TPO: variants seen among roughly 807,000 people sequenced by gnomAD.
The protein encoded by TPO is thyroid peroxidase, also known as thyroid microsomal antigen.
In TPO, 78 loss-of-function variants were observed where a neutral mutation model predicts 96.9. That is an observed-to-expected ratio of 0.81 (90% CI 0.67 to 0.97). The LOEUF is 0.97. TPO is among the 50% of genes least tolerant of loss of function. The probability of loss-of-function intolerance (pLI) is 0.00; values close to 1 mark genes in which losing one functional copy is unlikely to be tolerated. For synonymous variants in TPO, 547 were observed against 538.0 expected (o/e 1.02, Z -0.23); for missense variants, 1,252 against 1,274.8 (o/e 0.98, Z 0.27).
rs151287624 is a variant in TPO, at chr2:1,542,805, G to A, written c.*331G>A. 1,937 of 533,156 alleles carry A rather than the reference G, an allele frequency of 3.6e-3. 4 individuals carry two copies. The highest frequency in any genetic ancestry group is 4.3e-3 in the Non-Finnish European group (1,337 of 313,836). The allele number at this position is 533,156 out of a possible 1,614,324, so 33.0% of individuals were successfully genotyped here. A position where few individuals can be genotyped will look rare whatever the true frequency, so the allele number is the denominator to read the frequency against. On this transcript the variant is annotated 3_prime_UTR_variant, in exon 17 of 17. Transcript: ENST00000329066. ...TCCACCTTCTGGCATCTCTGATGCC[G>A]TGCTCGTCTGCACTCTGCCCCGGCG...
chr2:1,432,827 T>C lies in TPO; in HGVS notation c.180-611T>C, dbSNP rs558769922. On this transcript the variant is annotated intron_variant, in intron 3 of 16. Coordinates refer to ENST00000329066, the MANE Select transcript of TPO (RefSeq NM_001206744.2). ...CTGCAGGTGAGGAGAGGCCTGCAGG[T>C]GAGGAGAGGCCTGCAGGTGAGGGGA... is the stretch of plus-strand genomic sequence containing the variant. Among the ~76,000 whole-genome samples the C allele has an allele frequency of 3.9e-3, 578 of 149,528 alleles. 5 individuals carry two copies. Among genetic ancestry groups the C allele is most frequent in the African/African-American group, 0.014 (560 of 40,462 alleles).
chr2:1,381,299 C>G (rs933509380), intron 1 of TPO, among the ~76,000 whole-genome samples: 4 of 152,074 alleles, frequency 2.6e-5, no homozygotes, highest in Non-Finnish European at 4.4e-5. Flanking sequence ...CTACAAAGAA[C>G]TTAAATTTAC....
At chr2:1,500,253 G>T (rs1672741398) in intron 13 of TPO, among the ~76,000 whole-genome samples, 2 of 152,364 alleles carry the variant, frequency 1.3e-5, no homozygotes, top group Middle Eastern at 3.4e-3. Flanking sequence ...GGCAGCCTGA[G>T]ATGGGGACAG....
intron 16 of TPO, chr2:1,541,253 C>G (rs2125357181): frequency 1.9e-6 from 2 of 1,058,654 alleles, no homozygotes; most frequent in East Asian, 7.1e-5. Context: ...AGGTGCTGGT[C>G]ACAGGCACAA....
At chr2:1,503,222 G>A (rs1673049766) in intron 13 of TPO, among the ~76,000 whole-genome samples, 1 of 152,172 alleles carries the variant, frequency 6.6e-6, no homozygotes, top group East Asian at 1.9e-4. Flanking sequence ...CCTCGGCGGA[G>A]GCTGCACCCA....
intron 10 of TPO, among the ~76,000 whole-genome samples, chr2:1,493,209 T>TTGG (rs1553321276): frequency 1.7e-4 from 3 of 17,534 alleles, no homozygotes; most frequent in African/African-American, 3.2e-4. Flanking sequence ...TGTGAGTGGG[T>TTGG]GGGGGGGGGG....
At chr2:1,378,907 T>A (rs1394504812) in intron 1 of TPO, among the ~76,000 whole-genome samples, 1 of 152,172 alleles carries the variant, frequency 6.6e-6, no homozygotes, top group Non-Finnish European at 1.5e-5. Flanking sequence ...TCTGCTCCTC[T>A]CAAAGGCGGC....
intron 14 of TPO, among the ~76,000 whole-genome samples, chr2:1,504,590 G>T (rs28912998): frequency 7.9e-5 from 12 of 152,202 alleles, no homozygotes; most frequent in African/African-American, 2.9e-4. Flanking sequence ...CAGTCCCCCA[G>T]CTCTGCACTC....
chr2:1,440,118 A>C lies in TPO; in HGVS notation c.482+3734A>C, dbSNP rs113829530. Among the ~76,000 whole-genome samples, 18 of 150,190 alleles carry C rather than the reference A, an allele frequency of 1.2e-4. No homozygotes were observed. The South Asian group carries it at 2.6e-3, about 21-fold the overall frequency. On this transcript the variant is annotated intron_variant, in intron 5 of 16. Coordinates refer to ENST00000329066, the MANE Select transcript of TPO (RefSeq NM_001206744.2). ...GCGTTTCCACTGTGCTGCGTTTCCAATGTGCTACATTTCCACTGTGCTGCG... is the reference window on the plus strand; with the variant it reads ...GCGTTTCCACTGTGCTGCGTTTCCACTGTGCTACATTTCCACTGTGCTGCG...
intron 15 of TPO, among the ~76,000 whole-genome samples, chr2:1,526,038 TGCAACCTCCCCAAATCCCCCCACTGTGC>T: frequency 9.1e-6 from 1 of 110,402 alleles, no homozygotes; most frequent in Non-Finnish European, 1.8e-5. Flanking sequence ...GCCCACTGTG[TGCAACCTCCCCAAATCCCCCCACTGTGC>T]GCAACCTCCC....
chr2:1,485,432 C>G (rs193150439), intron 9 of TPO, among the ~76,000 whole-genome samples: 3 of 152,070 alleles, frequency 2.0e-5, no homozygotes, highest in African/African-American at 7.3e-5. Context: ...GTAATTGGAT[C>G]GCTGGGTCAA....
chr2:1,505,541 G>T (rs1417516514), intron 14 of TPO, among the ~76,000 whole-genome samples: 2 of 104,124 alleles, frequency 1.9e-5, no homozygotes, highest in South Asian at 7.1e-4. Context: ...CCCCCCTCCT[G>T]TGTCAGGTAC....
At chr2:1,438,451 G>A (rs919692417) in intron 5 of TPO, among the ~76,000 whole-genome samples, 8 of 152,082 alleles carry the variant, frequency 5.3e-5, no homozygotes, top group Non-Finnish European at 1.2e-4. Flanking sequence ...GGTTTTCCTT[G>A]AGACCTCCTA....
At chr2:1,534,472 C>A (rs762229196) in intron 15 of TPO, among the ~76,000 whole-genome samples, 1 of 56,598 alleles carries the variant, frequency 1.8e-5, no homozygotes, top group Non-Finnish European at 3.8e-5. Flanking sequence ...CCCTCCCACT[C>A]TGTGCAAACT....
At chr2:1,470,241 TAA>T (rs79122956) in intron 7 of TPO, among the ~76,000 whole-genome samples, 5,526 of 152,302 alleles carry the variant, frequency 0.036, 149 homozygotes, top group Middle Eastern at 0.12. Flanking sequence ...AAATACATTT[TAA>T]AGAGTTTACT....
chr2:1,441,611 G>C (rs192625118), intron 5 of TPO, among the ~76,000 whole-genome samples: 1 of 152,242 alleles, frequency 6.6e-6, no homozygotes, highest in Admixed American at 6.5e-5. Flanking sequence ...CAGGGTCCTC[G>C]ACTCTGCTGC....
At chr2:1,541,744 C>T (rs1283119598) in intron 16 of TPO, 1 of 152,576 alleles carries the variant, frequency 6.6e-6, no homozygotes, top group Non-Finnish European at 1.5e-5. Flanking sequence ...GTATCAAAAC[C>T]ATGTTTAAAA....
intron 15 of TPO, among the ~76,000 whole-genome samples, chr2:1,535,525 TCCCCG>T (rs1679428511): frequency 1.9e-5 from 1 of 53,118 alleles, no homozygotes; most frequent in Non-Finnish European, 3.4e-5. Flanking sequence ...CCTCCCCAAA[TCCCCG>T]TGTGCCACTT....
intron 3 of TPO, among the ~76,000 whole-genome samples, chr2:1,424,750 C>T (rs932035987): frequency 3.9e-5 from 6 of 152,270 alleles, no homozygotes; most frequent in South Asian, 2.1e-4. Context: ...TTCTAGATGC[C>T]GGGATACAGA....
Sources: gnomAD v4.1 joint callset for allele counts (sites outside exome capture counted in the v4.1 genomes callset) on GRCh38, gnomAD v4.1.1 for gene constraint, MANE v1.5 for transcripts, NCBI Gene and HGNC (gene_info 2026-07-23, HGNC 2026-07-21) for gene names.